ZNF365: variants seen among roughly 807,000 people sequenced by gnomAD.
The protein encoded by ZNF365 is protein ZNF365.
ZNF365 carries 22 observed loss-of-function variants against 35.0 expected under a neutral mutation model. The ratio of observed to expected loss-of-function variants is 0.63; its 90% CI spans 0.45 to 0.90. ZNF365 has a LOEUF of 0.90. Ranked by LOEUF, ZNF365 falls within the 40% of genes least tolerant of loss-of-function variation. The probability of loss-of-function intolerance (pLI) is 0.00; values close to 1 mark genes in which losing one functional copy is unlikely to be tolerated. For missense variants in ZNF365, 448 were observed against 500.3 expected, an observed-to-expected ratio of 0.90 and a Z score of 1.00; for synonymous variants, 188 against 196.2, an observed-to-expected ratio of 0.96 and a Z score of 0.35.
At chr10:62,462,200 C>T (rs545469556) in intron 4 of ZNF365, among the ~76,000 whole-genome samples, 24 of 152,350 alleles carry the variant, frequency 1.6e-4, no homozygotes, top group Admixed American at 2.6e-4. Flanking sequence ...CTCCCACACA[C>T]ACACACACAG....
rs75277436 is a variant in ZNF365, at chr10:62,386,783, A to G, written c.744-1613A>G. On this transcript the variant is annotated intron_variant, in intron 2 of 4. Transcript: ENST00000395254. Reference sequence around the variant, plus strand: ...CTGAGCTAGACTTCCCTGAAGTTCTACTCCCAAGAGAATTACAGAGCTCAG... The same window carrying G: ...CTGAGCTAGACTTCCCTGAAGTTCTGCTCCCAAGAGAATTACAGAGCTCAG... Among the ~76,000 whole-genome samples, 1,314 of 152,312 alleles carry G rather than the reference A, an allele frequency of 8.6e-3. 19 individuals carry two copies. The highest frequency in any genetic ancestry group is 0.03 in the African/African-American group (1,263 of 41,554).
At chr10:62,417,196 C>T (rs1840089002) in intron 3 of ZNF365, among the ~76,000 whole-genome samples, 1 of 152,088 alleles carries the variant, frequency 6.6e-6, no homozygotes, top group African/African-American at 2.4e-5. Context: ...GTGATTCTTT[C>T]TCCTTATTTT....
At chr10:62,414,116 G>T (rs61032631) in intron 3 of ZNF365, among the ~76,000 whole-genome samples, 7,125 of 152,182 alleles carry the variant, frequency 0.047, 343 homozygotes, top group African/African-American at 0.13. Context: ...TCTAATTAGT[G>T]CAAAAATTGC....
chr10:62,477,531 G>A (rs749747349), intron 4 of ZNF365, among the ~76,000 whole-genome samples: 5 of 152,106 alleles, frequency 3.3e-5, no homozygotes, highest in Non-Finnish European at 7.3e-5. Flanking sequence ...TTGGCATTAT[G>A]GTGAATAATC....
intron 3 of ZNF365, among the ~76,000 whole-genome samples, chr10:62,397,823 T>G (rs1450106273): frequency 6.6e-6 from 1 of 152,238 alleles, no homozygotes; most frequent in Non-Finnish European, 1.5e-5. Context: ...CAGCTATAGA[T>G]TAGCTGCAAA....
chr10:62,457,833 G>A (rs1269532650), intron 3 of ZNF365, among the ~76,000 whole-genome samples: 1 of 152,204 alleles, frequency 6.6e-6, no homozygotes, highest in Non-Finnish European at 1.5e-5. Flanking sequence ...GTGGCTGGCT[G>A]TGTACATGGG....
At chr10:62,398,110 G>T (rs1480216386) in intron 3 of ZNF365, among the ~76,000 whole-genome samples, 2 of 152,130 alleles carry the variant, frequency 1.3e-5, no homozygotes, top group East Asian at 3.9e-4. Context: ...CTACCCAAAG[G>T]AAAAGAAGTA....
intron 3 of ZNF365, among the ~76,000 whole-genome samples, chr10:62,441,172 G>A (rs1206939624): frequency 6.6e-6 from 1 of 152,122 alleles, no homozygotes; most frequent in Non-Finnish European, 1.5e-5. Context: ...AATAACCAGT[G>A]AGGTTAAATT....
chr10:62,449,474 A>G (rs7084428), intron 3 of ZNF365, among the ~76,000 whole-genome samples: 382 of 152,330 alleles, frequency 2.5e-3, no homozygotes, highest in African/African-American at 9.0e-3. Context: ...ATATTTTACA[A>G]TACAAATCTT....
At chr10:62,399,401 G>T (rs1839785411) in intron 4 of ZNF365, 127 bp from the exon 5 acceptor site, 1 of 1,378,650 alleles carries the variant, frequency 7.3e-7, no homozygotes, top group Non-Finnish European at 9.8e-7. Context: ...ATTTGCCTTT[G>T]TGGTAGCATT....
intron 4 of ZNF365, among the ~76,000 whole-genome samples, chr10:62,479,239 C>T (rs1489309807): frequency 6.6e-6 from 1 of 152,160 alleles, no homozygotes; most frequent in Non-Finnish European, 1.5e-5. Flanking sequence ...AAAGACATAT[C>T]CATATTCCTC....
At chr10:62,426,342 G>A (rs1461269549) in intron 3 of ZNF365, among the ~76,000 whole-genome samples, 1 of 152,002 alleles carries the variant, frequency 6.6e-6, no homozygotes. Flanking sequence ...AAGCCTCTGT[G>A]GTCTGTTCCT....
chr10:62,377,569 AT>A (rs71472207), intron 2 of ZNF365, among the ~76,000 whole-genome samples: 25 of 151,428 alleles, frequency 1.7e-4, no homozygotes, highest in Admixed American at 5.3e-4. Flanking sequence ...CAAATGATGT[AT>A]TTTTTTTTGT....
At position 62,427,913 on chromosome 10, in the gene ZNF365, T is replaced by C. The variant is rs140389067; in HGVS notation, c.925-31828T>C. ...GAAGTGTTCTGAGTTGCCAAGAAAT[T>C]AGCCATGGGAAACTTGGACACAGAG... On this transcript the variant is annotated intron_variant, in intron 3 of 4. Transcript: ENST00000395255. Among the ~76,000 whole-genome samples the C allele has an allele frequency of 1.7e-3, 263 of 152,230 alleles. 1 individual carries two copies. The highest frequency in any genetic ancestry group is 3.9e-3 in the South Asian group (19 of 4,814).
At position 62,376,294 on chromosome 10, in the gene ZNF365, A is replaced by G. The variant is rs751697322; in HGVS notation, c.101A>G (p.His34Arg). Reference sequence around the variant, plus strand: ...TTACGCTGCCCGAGGTGTGGAGACCATACCAGATTTAGAAGCTTGTCATCC... The same window carrying G: ...TTACGCTGCCCGAGGTGTGGAGACCGTACCAGATTTAGAAGCTTGTCATCC... The part of the protein sequence containing the change: ...LPLRCPRCGD[H>R]TRFRSLSSLR... The change falls in exon 2 of 5, where the codon CAT becomes CGT. Residue 34 changes from histidine (H) to arginine (R), a missense_variant. His to Arg is a conservative substitution (Grantham distance 29, BLOSUM62 0). Around this residue, in one of 3 missense-constraint regions of ZNF365, gnomAD observed 76 missense variants for 96.7 expected, o/e 0.79. Coordinates refer to ENST00000395254, the MANE Select transcript of ZNF365 (RefSeq NM_014951.3). 1 of 1,614,162 alleles carries G rather than the reference A, an allele frequency of 6.2e-7. No individual in the cohort carries two copies. The highest frequency in any genetic ancestry group is 1.1e-5 in the South Asian group (1 of 91,080).
chr10:62,382,474 G>A (rs531901225), intron 2 of ZNF365, among the ~76,000 whole-genome samples: 7 of 152,214 alleles, frequency 4.6e-5, no homozygotes, highest in Admixed American at 2.0e-4. Context: ...GGTAAAATTC[G>A]GAAACCCAGG....
At chr10:62,462,017 G>A (rs1295424151) in intron 4 of ZNF365, among the ~76,000 whole-genome samples, 1 of 152,056 alleles carries the variant, frequency 6.6e-6, no homozygotes, top group African/African-American at 2.4e-5. Flanking sequence ...TTTGCAAATA[G>A]TCTTTTTTGG....
intron 2 of ZNF365, among the ~76,000 whole-genome samples, chr10:62,377,936 C>G (rs982227900): frequency 3.9e-5 from 6 of 152,322 alleles, no homozygotes; most frequent in Non-Finnish European, 8.8e-5. Context: ...TGTGTTGTCT[C>G]TTAAAATGTA....
At chr10:62,398,212 C>T (rs112387478) in intron 3 of ZNF365, among the ~76,000 whole-genome samples, 4,818 of 152,246 alleles carry the variant, frequency 0.032, 262 homozygotes, top group African/African-American at 0.11. Flanking sequence ...GCCCATCAAC[C>T]AACGAGTGGA....
Sources: gnomAD v4.1 joint callset for allele counts (sites outside exome capture counted in the v4.1 genomes callset) on GRCh38, gnomAD v4.1.1 for gene constraint, gnomAD v4.1.1 regional missense constraint, MANE v1.5 for transcripts, NCBI Gene and HGNC (gene_info 2026-07-23, HGNC 2026-07-21) for gene names.